PCDHA2: variants seen among roughly 807,000 people sequenced by gnomAD.
PCDHA2 encodes the protein protocadherin alpha 2, also known as protocadherin alpha-2.
Under a neutral mutation model 66.0 loss-of-function variants are expected in PCDHA2, and 58 were observed. That is an observed-to-expected ratio of 0.88 (90% confidence interval 0.71 to 1.09). The LOEUF (loss-of-function observed/expected upper bound fraction) is 1.09, where lower values mean the gene tolerates loss of function less well. Among genes scored for constraint, PCDHA2 ranks in the 50% least tolerant of loss-of-function variants. The pLI is 0.00. For missense variants in PCDHA2, 1,267 were observed against 1,242.3 expected (o/e 1.02, Z -0.30); for synonymous variants, 634 against 554.0 (o/e 1.14, Z -2.03).
At chr5:140,893,391 G>T (rs1481818388) in intron 1 of PCDHA2, among the ~76,000 whole-genome samples, 1 of 152,158 alleles carries the variant, frequency 6.6e-6, no homozygotes, top group Non-Finnish European at 1.5e-5. Context: ...AGTGGCTCAT[G>T]CCTGTAATCC....
At chr5:140,966,927 C>A in intron 1 of PCDHA2, 1 of 1,603,516 alleles carries the variant, frequency 6.2e-7, no homozygotes, top group Non-Finnish European at 8.5e-7. Context: ...GAGCAGGCAC[C>A]CGGCGCGCTC....
At chr5:140,814,765 G>A (rs1001115968) in intron 1 of PCDHA2, 2 of 151,980 alleles carry the variant, frequency 1.3e-5, no homozygotes, top group Non-Finnish European at 2.9e-5. Context: ...TTGTACATGT[G>A]GTCTGTTATT....
At chr5:140,917,370 C>T (rs571895312) in intron 1 of PCDHA2, among the ~76,000 whole-genome samples, 1 of 150,338 alleles carries the variant, frequency 6.7e-6, no homozygotes, top group Non-Finnish European at 1.5e-5. Context: ...CTATCTTGCT[C>T]CACCTCAATA....
chr5:140,939,634 G>T (rs1032922800), intron 1 of PCDHA2, among the ~76,000 whole-genome samples: 12 of 152,184 alleles, frequency 7.9e-5, no homozygotes, highest in South Asian at 4.1e-4. Flanking sequence ...AATCAATAAG[G>T]GTACTGAAAA....
intron 1 of PCDHA2, chr5:140,929,229 C>T: frequency 6.2e-7 from 1 of 1,613,880 alleles, no homozygotes; most frequent in South Asian, 1.1e-5. Context: ...ATGCTGCCGA[C>T]CTGCGAAATC....
At chr5:140,803,842 A>T in intron 1 of PCDHA2, 1 of 602,420 alleles carries the variant, frequency 1.7e-6, no homozygotes, top group African/African-American at 1.9e-5. Flanking sequence ...GAATTATTTT[A>T]TTGCTAAATG....
At chr5:140,836,397 A>G (rs1554135905) in intron 1 of PCDHA2, 6 of 1,613,640 alleles carry the variant, frequency 3.7e-6, no homozygotes, top group Non-Finnish European at 5.1e-6. Flanking sequence ...GCTGGTGGAA[A>G]GCGGCCAGGC....
intron 1 of PCDHA2, chr5:140,802,632 G>A (rs782317211): frequency 6.2e-7 from 1 of 1,613,874 alleles, no homozygotes; most frequent in South Asian, 1.1e-5. Flanking sequence ...CACGGTGTCT[G>A]CGCGGGACGC....
At chr5:141,001,811 C>T (rs1200900455) in intron 3 of PCDHA2, among the ~76,000 whole-genome samples, 1 of 152,128 alleles carries the variant, frequency 6.6e-6, no homozygotes, top group Non-Finnish European at 1.5e-5. Flanking sequence ...ATTCTACAAT[C>T]GGCCAAATTC....
intron 1 of PCDHA2, chr5:140,841,947 A>T: frequency 6.2e-7 from 1 of 1,613,886 alleles, no homozygotes; most frequent in Non-Finnish European, 8.5e-7. Context: ...CCTGCGCACC[A>T]CTTATTCCTG....
Position 140,941,218 on chromosome 5 carries a change from T to C in PCDHA2, c.2389-37731T>C, listed in dbSNP as rs552463058. ...TTCTTTCTTCCTTTCTTTCTTCCTT[T>C]CTTTCTTTCTTTCTTTCTTTCTTTC... On this transcript the variant is annotated intron_variant, in intron 1 of 3. Transcript: ENST00000526136. 5.6e-5 allele frequency among the ~76,000 whole-genome samples: 7 copies of C among 125,730 alleles called. No homozygotes were observed. In the South Asian group the frequency reaches 7.6e-4, roughly 14 times the overall value. 82.5% of individuals were successfully genotyped at this position (125,730 alleles called of 152,430 possible). A position where few individuals can be genotyped will look rare whatever the true frequency, so the allele number is the denominator to read the frequency against.
At chr5:140,926,296 G>A in intron 1 of PCDHA2, 1 of 152,316 alleles carries the variant, frequency 6.6e-6, no homozygotes, top group Non-Finnish European at 1.5e-5. Context: ...GCTGAGTCCC[G>A]CCCTCTCCGC....
chr5:140,994,275 T>C (rs1296337913), intron 3 of PCDHA2, among the ~76,000 whole-genome samples: 1 of 152,156 alleles, frequency 6.6e-6, no homozygotes, highest in African/African-American at 2.4e-5. Flanking sequence ...AGGCTGCCTT[T>C]CTTGAGACAG....
At chr5:141,003,178 A>C (rs2098114996) in intron 3 of PCDHA2, among the ~76,000 whole-genome samples, 1 of 152,180 alleles carries the variant, frequency 6.6e-6, no homozygotes, top group East Asian at 1.9e-4. Context: ...CTGAGGCTCA[A>C]CTCCATCAAC....
intron 1 of PCDHA2, among the ~76,000 whole-genome samples, chr5:140,913,960 TA>T (rs201352444): frequency 2.0e-5 from 3 of 152,168 alleles, no homozygotes; most frequent in Non-Finnish European, 2.9e-5. Context: ...ATATCATTTT[TA>T]AAAAAATATT....
intron 1 of PCDHA2, among the ~76,000 whole-genome samples, chr5:140,945,368 C>T (rs980832309): frequency 1.3e-5 from 2 of 151,844 alleles, no homozygotes; most frequent in African/African-American, 4.8e-5. Flanking sequence ...TTAAAATGTC[C>T]ATATTACCCA....
chr5:140,890,828 A>G (rs1554184556), intron 1 of PCDHA2, among the ~76,000 whole-genome samples: 1 of 152,180 alleles, frequency 6.6e-6, no homozygotes, highest in Non-Finnish European at 1.5e-5. Flanking sequence ...ATGTACTTAC[A>G]TATTTACCAG....
intron 1 of PCDHA2, chr5:140,822,704 A>G (rs1767403436): frequency 1.2e-6 from 2 of 1,610,868 alleles, no homozygotes; most frequent in Admixed American, 3.3e-5. Context: ...CTGGATTATG[A>G]AGACTATAAC....
At chr5:140,880,628 A>T (rs566696364) in intron 1 of PCDHA2, among the ~76,000 whole-genome samples, 46 of 152,352 alleles carry the variant, frequency 3.0e-4, no homozygotes, top group Non-Finnish European at 4.4e-5. Flanking sequence ...GGAGTTAATT[A>T]TCAATTCACT....
Sources: gnomAD v4.1 joint callset for allele counts (sites outside exome capture counted in the v4.1 genomes callset) on GRCh38, gnomAD v4.1.1 for gene constraint, MANE v1.5 for transcripts, NCBI Gene and HGNC (gene_info 2026-07-23, HGNC 2026-07-21) for gene names.